The following RUBCN variants were observed in gnomAD, a reference collection of about 807,000 sequenced individuals.
RUBCN encodes the protein rubicon autophagy regulator.
Under a neutral mutation model 113.2 loss-of-function variants are expected in RUBCN, and 74 were observed. The ratio of observed to expected loss-of-function variants is 0.65; its 90% CI spans 0.54 to 0.79. The LOEUF (loss-of-function observed/expected upper bound fraction) is 0.79. Among genes scored for constraint, RUBCN ranks in the 30% least tolerant of loss-of-function variants. RUBCN has a pLI of 0.00. For synonymous variants in RUBCN, 480 were observed against 490.0 expected (o/e 0.98, Z 0.27); for missense variants, 1,109 against 1,251.7 (o/e 0.89, Z 1.72).
At position 197,700,836 on chromosome 3, in the gene RUBCN, G is replaced by T. The variant is rs755428239; in HGVS notation, c.1038C>A (p.Ala346=). 1.9e-6 allele frequency: 3 copies of T among 1,614,018 alleles called. No homozygotes were observed. Among genetic ancestry groups the T allele is most frequent in the African/African-American group, 2.7e-5 (2 of 74,904 alleles). Residue 346 remains alanine (A), a synonymous_variant, in exon 7 of 20, where the codon GCC becomes GCA. Coordinates refer to ENST00000296343, the MANE Select transcript of RUBCN (RefSeq NM_014687.4). ...AGAACAAATTGGAACTGCTGCTCTC[G>T]GCATTGCTGCTGTGACTCTGACAGC... The part of the protein sequence containing the change: ...TASCQSHSSN[A]ESSSSNLFSS...
At chr3:197,735,886 G>A (rs936185202) in intron 1 of RUBCN, among the ~76,000 whole-genome samples, 2 of 152,088 alleles carry the variant, frequency 1.3e-5, no homozygotes, top group African/African-American at 2.4e-5. Context: ...CACCGCACCC[G>A]GTCCAAAGTA....
chr3:197,733,205 G>A (rs972755326), intron 1 of RUBCN, among the ~76,000 whole-genome samples: 1 of 152,214 alleles, frequency 6.6e-6, no homozygotes, highest in Non-Finnish European at 1.5e-5. Flanking sequence ...GGGCACAGTG[G>A]CTCATGCTTG....
intron 2 of RUBCN, among the ~76,000 whole-genome samples, chr3:197,714,805 C>G (rs933838370): frequency 6.6e-6 from 1 of 152,006 alleles, no homozygotes; most frequent in Non-Finnish European, 1.5e-5. Context: ...TTTGTGAGGT[C>G]TGATTTTTTT....
At chr3:197,707,136 G>T (rs904895611) in intron 2 of RUBCN, among the ~76,000 whole-genome samples, 22 of 142,804 alleles carry the variant, frequency 1.5e-4, no homozygotes, top group African/African-American at 6.7e-4. Flanking sequence ...GAGGTCAGGA[G>T]GTCAAGACCA....
chr3:197,722,030 G>C (rs2108971464), intron 1 of RUBCN, among the ~76,000 whole-genome samples: 1 of 152,200 alleles, frequency 6.6e-6, no homozygotes, highest in Non-Finnish European at 1.5e-5. Flanking sequence ...CTTGAGGTCA[G>C]GAGGTCAAGA....
At chr3:197,742,086 G>A (rs112379596) in intron 1 of RUBCN, among the ~76,000 whole-genome samples, 5,923 of 151,734 alleles carry the variant, frequency 0.039, 357 homozygotes, top group African/African-American at 0.13. Flanking sequence ...TAGTAGAGAC[G>A]GGGTTTCACT....
At chr3:197,693,888 A>G (rs1387006972) in intron 10 of RUBCN, 72 bp from the exon 11 acceptor site, 13 of 999,586 alleles carry the variant, frequency 1.3e-5, no homozygotes, top group Non-Finnish European at 2.1e-5. Context: ...GTGTCACAAT[A>G]TAAGGGATCT....
At chr3:197,736,940 G>A (rs568442355), upstream of RUBCN, 40 of 1,337,874 alleles carry the variant, frequency 3.0e-5, no homozygotes, top group South Asian at 5.7e-4. Flanking sequence ...AGCCCCCGGC[G>A]AGCACTCCGA....
intron 2 of RUBCN, among the ~76,000 whole-genome samples, chr3:197,717,430 C>T (rs1196883904): frequency 1.4e-5 from 2 of 147,254 alleles, no homozygotes; most frequent in East Asian, 2.0e-4. Context: ...GGTGACAGAG[C>T]GAGACTCCGT....
chr3:197,705,237 G>C, intron 2 of RUBCN, 62 bp from the exon 3 acceptor site: 1 of 1,469,036 alleles, frequency 6.8e-7, no homozygotes, highest in Non-Finnish European at 9.5e-7. Context: ...CTAGTTCTAG[G>C]GTTGGCATTC....
intron 11 of RUBCN, among the ~76,000 whole-genome samples, chr3:197,689,027 CTTT>C (rs1309240033): frequency 7.3e-5 from 10 of 136,508 alleles, no homozygotes; most frequent in Non-Finnish European, 6.4e-5. Context: ...TGGGTGAATT[CTTT>C]TTTTTTTTTT....
In RUBCN at chr3:197,700,738, T is replaced by C. The variant is rs1335732795; in HGVS notation, c.1136A>G (p.Gln379Arg). ...LGDQEGGGES[Q>R]LSSVLRRSSF... is the part of the protein sequence containing the mutation. ...GGACCTGCGGAGGACACTGGACAGCTGGCTCTCCCCACCTCCTTCCTGGTC... is the reference window on the plus strand; with the variant it reads ...GGACCTGCGGAGGACACTGGACAGCCGGCTCTCCCCACCTCCTTCCTGGTC... Residue 379 changes from glutamine to arginine, a missense_variant, in exon 7 of 20, where the codon CAG becomes CGG. Gln to Arg is a conservative substitution (Grantham distance 43). Coordinates refer to ENST00000296343, the MANE Select transcript of RUBCN (RefSeq NM_014687.4). The C allele has an allele frequency of 6.2e-7, 1 of 1,614,222 alleles. No individual in the cohort carries two copies. The highest frequency in any genetic ancestry group is 2.2e-5 in the East Asian group (1 of 44,888).
Position 197,681,054 on chromosome 3 carries a change from C to CG in RUBCN, c.2430+74dup. On this transcript the variant is annotated intron_variant, in intron 16 of 19. Coordinates refer to ENST00000296343, the MANE Select transcript of RUBCN (RefSeq NM_014687.4). This position sits in a 1 kb window ranked among gnomAD's most constrained non-coding sequence, Gnocchi z 5.5. The stretch of plus-strand genomic sequence containing the variant: ...AAGAGGAGGGGATGGGGGGAGGGGA[C>CG]GGGGGAGGGACGAGGGGAGGGGATG... 1 of 578,916 alleles carries CG rather than the reference C, an allele frequency of 1.7e-6. No individual in the cohort carries two copies. The highest frequency in any genetic ancestry group is 2.8e-6 in the Non-Finnish European group (1 of 358,470). The allele number at this position is 578,916 out of a possible 1,614,324, so 35.9% of individuals were successfully genotyped here. A position where few individuals can be genotyped will look rare whatever the true frequency, so the allele number is the denominator to read the frequency against.
At position 197,682,477 on chromosome 3, in the gene RUBCN, C is replaced by T; in HGVS notation, c.2119G>A (p.Ala707Thr). The T allele has an allele frequency of 6.2e-7, 1 of 1,614,190 alleles. No homozygotes were observed. The highest frequency in any genetic ancestry group is 8.5e-7 in the Non-Finnish European group (1 of 1,180,044). Residue 707 changes from alanine to threonine, a missense_variant, in exon 14 of 20, where the codon GCC becomes ACC. Physicochemically the swap from Ala to Thr is moderately conservative, Grantham distance 58 (BLOSUM62 0). This residue lies in a region of RUBCN where 306 missense variants were observed against 348.9 expected (regional missense o/e 0.88). Transcript: ENST00000296343. ...CAGACACTGGCCACTCACGTTGGGGCTGGATGAACATTAAAAATTATCTGA... is the reference window on the plus strand; with the variant it reads ...CAGACACTGGCCACTCACGTTGGGGTTGGATGAACATTAAAAATTATCTGA... ...RPQIIFNVHP[A>T]PTRKIAVAKQ... is the part of the protein sequence containing the mutation.
chr3:197,734,820 C>G (rs1727936947), intron 1 of RUBCN, among the ~76,000 whole-genome samples: 2 of 152,166 alleles, frequency 1.3e-5, no homozygotes, highest in Admixed American at 1.3e-4. Flanking sequence ...AAAGCAGAAA[C>G]TGAAACATGG....
At chr3:197,692,835 T>C (rs1722574181) in intron 11 of RUBCN, among the ~76,000 whole-genome samples, 2 of 152,214 alleles carry the variant, frequency 1.3e-5, no homozygotes, top group South Asian at 2.1e-4. Context: ...TGCAGGCGAA[T>C]GGGCTCTCTA....
intron 11 of RUBCN, among the ~76,000 whole-genome samples, chr3:197,691,553 A>G (rs1310133724): frequency 6.6e-6 from 1 of 152,148 alleles, no homozygotes; most frequent in Non-Finnish European, 1.5e-5. Context: ...ACCCCGGCCT[A>G]AGGTCTTTTC....
At chr3:197,725,117 A>G (rs1726589218) in intron 1 of RUBCN, among the ~76,000 whole-genome samples, 1 of 152,202 alleles carries the variant, frequency 6.6e-6, no homozygotes, top group Non-Finnish European at 1.5e-5. Context: ...ACTCAGTATC[A>G]AGGGCTTCGA....
rs1313112768 is a variant in RUBCN at position 197,700,736 on chromosome 3, G to C, written c.1138C>G (p.Leu380Val). Residue 380 changes from leucine (L) to valine (V), a missense_variant, in exon 7 of 20, where the codon CTG becomes GTG. By Grantham distance (32) the Leu-to-Val change is conservative. Transcript: ENST00000296343. ...CTGGACCTGCGGAGGACACTGGACA[G>C]CTGGCTCTCCCCACCTCCTTCCTGG... ...GDQEGGGESQ[L>V]SSVLRRSSFS... The C allele has an allele frequency of 6.2e-7, 1 of 1,614,208 alleles. No homozygotes were observed. The highest frequency in any genetic ancestry group is 8.5e-7 in the Non-Finnish European group (1 of 1,180,036).
Sources: gnomAD v4.1 joint callset for allele counts (sites outside exome capture counted in the v4.1 genomes callset) on GRCh38, gnomAD v4.1.1 for gene constraint, gnomAD v4.1.1 regional missense constraint, Gnocchi (gnomAD v3.1) non-coding constraint, MANE v1.5 for transcripts, NCBI Gene and HGNC (gene_info 2026-07-23, HGNC 2026-07-21) for gene names.